NTN1: variants seen among roughly 807,000 people sequenced by gnomAD.
NTN1 encodes the protein netrin-1.
A neutral mutation model predicts 54.2 loss-of-function variants in NTN1; 11 were observed. The observed-to-expected ratio is 0.20, with a 90% CI of 0.13 to 0.34. NTN1 has a LOEUF of 0.34. Among genes scored for constraint, NTN1 ranks in the 10% least tolerant of loss-of-function variants. The probability of loss-of-function intolerance (pLI) is 1.00; values close to 1 mark genes in which losing one functional copy is unlikely to be tolerated. For missense variants in NTN1, 740 were observed against 893.1 expected, an observed-to-expected ratio of 0.83 and a Z score of 2.18; for synonymous variants, 371 against 382.0, an observed-to-expected ratio of 0.97 and a Z score of 0.33.
chr17:9,051,481 C>A (rs1275399105), intron 2 of NTN1, among the ~76,000 whole-genome samples: 1 of 152,226 alleles, frequency 6.6e-6, no homozygotes, highest in East Asian at 1.9e-4. Context: ...TCCAACCCCT[C>A]TCCACTTTGC....
Position 9,114,143 on chromosome 17 carries a change from C to CAAAAAAA in NTN1, c.1019-48667_1019-48661dup, listed in dbSNP as rs1491305006. On this transcript the variant is annotated intron_variant, in intron 2 of 6. Transcript: ENST00000173229. ...CGCCACTGCACTCTAGCCTGGGTGC[C>CAAAAAAA]AAAAAAAAAGAAAAAAAAAAAAAAT... Among the ~76,000 whole-genome samples, 20 of 61,090 alleles carry CAAAAAAA rather than the reference C, an allele frequency of 3.3e-4. 1 individual carries two copies. The highest frequency in any genetic ancestry group is 5.6e-4 in the African/African-American group (9 of 16,168). The allele number at this position is 61,090 out of a possible 152,430, so 40.1% of individuals were successfully genotyped here.
Position 9,243,684 on chromosome 17 carries a change from C to T in NTN1, c.*3716C>T, listed in dbSNP as rs1597559710. The T allele has an allele frequency of 6.6e-6, 1 of 152,188 alleles. No homozygotes were observed. The highest frequency in any genetic ancestry group is 1.5e-5 in the Non-Finnish European group (1 of 68,058). 9.4% of individuals were successfully genotyped at this position (152,188 alleles called of 1,614,324 possible). A position where few individuals can be genotyped will look rare whatever the true frequency, so the allele number is the denominator to read the frequency against. ...GACGTTTCTTCCCATTCCCTCCTCC[C>T]AAATGCACTTCCCCTCCTCCCTCTG... On this transcript the variant is annotated 3_prime_UTR_variant, in exon 7 of 7. Transcript: ENST00000173229.
At chr17:9,081,708 G>A (rs1283201732) in intron 2 of NTN1, among the ~76,000 whole-genome samples, 3 of 152,212 alleles carry the variant, frequency 2.0e-5, no homozygotes, top group African/African-American at 4.8e-5. Flanking sequence ...ATTGATGACA[G>A]TCCCTTGCAG....
At chr17:9,218,058 T>A (rs1271908976) in intron 5 of NTN1, among the ~76,000 whole-genome samples, 1 of 152,170 alleles carries the variant, frequency 6.6e-6, no homozygotes, top group Non-Finnish European at 1.5e-5. Flanking sequence ...TCTCTCACAG[T>A]TGGTTCAGAC....
At position 9,243,366 on chromosome 17, in the gene NTN1, T is replaced by G. The variant is rs1012579969; in HGVS notation, c.*3398T>G. 2.7e-5 allele frequency: 4 copies of G among 147,986 alleles called. No homozygotes were observed. The highest frequency in any genetic ancestry group is 1.1e-4 in the African/African-American group (4 of 37,526). The allele number at this position is 147,986 out of a possible 1,614,324, so 9.2% of individuals were successfully genotyped here. On this transcript the variant is annotated 3_prime_UTR_variant, in exon 7 of 7. Coordinates refer to ENST00000173229, the MANE Select transcript of NTN1 (RefSeq NM_004822.3). ...GGCATGCTGGAGAGGGGTACGGACT[T>G]ACTTTCTTGGAGTTGTCCCAGGTTG...
intron 5 of NTN1, among the ~76,000 whole-genome samples, chr17:9,200,962 A>G (rs1904765120): frequency 1.3e-5 from 2 of 152,162 alleles, no homozygotes; most frequent in Admixed American, 6.5e-5. Context: ...CAAGTGAATG[A>G]AGCCTCAAGT....
chr17:9,154,320 A>G (rs1490096008), intron 2 of NTN1, among the ~76,000 whole-genome samples: 1 of 152,268 alleles, frequency 6.6e-6, no homozygotes, highest in Non-Finnish European at 1.5e-5. Context: ...TGCACCAGGT[A>G]GGGGCTCAGT....
chr17:9,194,660 T>A (rs1904573991), intron 5 of NTN1, among the ~76,000 whole-genome samples: 1 of 152,008 alleles, frequency 6.6e-6, no homozygotes, highest in South Asian at 2.1e-4. Flanking sequence ...TAATTAAGTG[T>A]CCCTTGGGGG....
At chr17:9,164,207 C>T (rs1002961997) in intron 3 of NTN1, among the ~76,000 whole-genome samples, 5 of 152,120 alleles carry the variant, frequency 3.3e-5, no homozygotes, top group African/African-American at 1.2e-4. Flanking sequence ...GGCGGATCAC[C>T]CTAGGTCAGG....
chr17:9,011,731 A>C, the NTN1 span, among the ~76,000 whole-genome samples: 1 of 152,160 alleles, frequency 6.6e-6, no homozygotes, highest in Non-Finnish European at 1.5e-5. Context: ...TTGCGAATAC[A>C]GGTGCGCACC....
Position 9,083,248 on chromosome 17 carries a change from G to A in NTN1, c.1018+59857G>A, listed in dbSNP as rs1341195150. Reference sequence around the variant, plus strand: ...TGAGTAGCTGGGATTACAGGCATGCGCCACCACACCTGGCTAATTTTTGAA... The same window carrying A: ...TGAGTAGCTGGGATTACAGGCATGCACCACCACACCTGGCTAATTTTTGAA... On this transcript the variant is annotated intron_variant, in intron 2 of 6. Transcript: ENST00000173229. Among the ~76,000 whole-genome samples the A allele has an allele frequency of 5.3e-5, 8 of 152,226 alleles. 1 individual carries two copies. Among genetic ancestry groups the A allele is most frequent in the African/African-American group, 1.4e-4 (6 of 41,544 alleles).
At chr17:9,011,323 G>A in the NTN1 span, among the ~76,000 whole-genome samples, 1 of 152,158 alleles carries the variant, frequency 6.6e-6, no homozygotes, top group Admixed American at 6.5e-5. Context: ...TTGCCCTTCA[G>A]CTTCTCATGG....
intron 2 of NTN1, among the ~76,000 whole-genome samples, chr17:9,064,706 C>T (rs978782447): frequency 1.3e-5 from 2 of 152,200 alleles, no homozygotes; most frequent in African/African-American, 4.8e-5. Context: ...CTGGTAGTTC[C>T]TTCCTTGGTT....
intron 2 of NTN1, among the ~76,000 whole-genome samples, chr17:9,114,144 AAAAAAAAAG>A (rs199706581): frequency 4.0e-4 from 32 of 79,490 alleles, no homozygotes; most frequent in Non-Finnish European, 7.3e-4. Flanking sequence ...CCTGGGTGCC[AAAAAAAAAG>A]AAAAAAAAAA....
intron 2 of NTN1, among the ~76,000 whole-genome samples, chr17:9,162,387 T>G (rs1303878243): frequency 6.6e-6 from 1 of 152,222 alleles, no homozygotes; most frequent in Non-Finnish European, 1.5e-5. Context: ...CTGCGTGGCT[T>G]GCAGATGGCC....
At chr17:9,062,923 A>T (rs1026129358) in intron 2 of NTN1, among the ~76,000 whole-genome samples, 1 of 152,132 alleles carries the variant, frequency 6.6e-6, no homozygotes, top group Non-Finnish European at 1.5e-5. Flanking sequence ...ACATTTTCAG[A>T]ATGTGTTGTA....
At chr17:9,075,186 T>C (rs909992928) in intron 2 of NTN1, among the ~76,000 whole-genome samples, 3 of 152,064 alleles carry the variant, frequency 2.0e-5, no homozygotes, top group Non-Finnish European at 4.4e-5. Context: ...CTTCCATCTA[T>C]AAAATGGGGT....
intron 2 of NTN1, among the ~76,000 whole-genome samples, chr17:9,026,701 T>C (rs747709879): frequency 6.6e-6 from 1 of 151,694 alleles, no homozygotes; most frequent in Non-Finnish European, 1.5e-5. Flanking sequence ...CATATTGTGT[T>C]TCATAAATTA....
rs192814959 is a variant in NTN1, at chr17:9,207,328, A to G, written c.1412-13840A>G. Among the ~76,000 whole-genome samples the G allele has an allele frequency of 2.0e-3, 301 of 152,352 alleles. 1 individual carries two copies. The highest frequency in any genetic ancestry group is 0.01 in the Middle Eastern group (3 of 294). On this transcript the variant is annotated intron_variant, in intron 5 of 6. Transcript: ENST00000173229. Reference sequence around the variant, plus strand: ...TCAAGGACATACTTGAGTGAGAAATATCTTTGGGTTTAAAATAATTGGATG... The same window carrying G: ...TCAAGGACATACTTGAGTGAGAAATGTCTTTGGGTTTAAAATAATTGGATG...
Sources: gnomAD v4.1 joint callset for allele counts (sites outside exome capture counted in the v4.1 genomes callset) on GRCh38, gnomAD v4.1.1 for gene constraint, MANE v1.5 for transcripts, NCBI Gene and HGNC (gene_info 2026-07-23, HGNC 2026-07-21) for gene names.